DSP: variants seen among roughly 807,000 people sequenced by gnomAD.
The protein encoded by DSP is 250/210 kDa paraneoplastic pemphigus antigen.
In DSP, 114 loss-of-function variants were observed where a neutral mutation model predicts 290.6. That is an observed-to-expected ratio of 0.39 (90% CI 0.34 to 0.46). The LOEUF is 0.46. Among genes scored for constraint, DSP ranks in the 20% least tolerant of loss-of-function variants. The pLI, the probability that DSP is intolerant of heterozygous loss-of-function variation, is 0.99. For missense variants in DSP, 3,230 were observed against 3,495.8 expected, an observed-to-expected ratio of 0.92 and a Z score of 1.92; for synonymous variants, 1,311 against 1,316.4, an observed-to-expected ratio of 1.00 and a Z score of 0.09.
rs572843477 is a variant in DSP at position 7,583,567 on chromosome 6, G to T, written c.6305G>T (p.Gly2102Val). The T allele has an allele frequency of 1.9e-6, 3 of 1,614,132 alleles. No individual in the cohort carries two copies. The African/African-American group carries it at 4.0e-5, about 22-fold the overall frequency. The change falls in exon 24 of 24, where the codon GGC becomes GTC. Residue 2102 changes from glycine to valine, a missense_variant. By Grantham distance (109) the Gly-to-Val change is moderately radical. Around this residue, in one of 5 missense-constraint regions of DSP, gnomAD observed 1,714 missense variants for 1,844.5 expected, o/e 0.93. Transcript: ENST00000379802. The surrounding 1 kb of genome is among the most constrained non-coding windows in gnomAD (Gnocchi z 4.0). ...AITGFDDPFS[G>V]KTVSVSEAIK... ...ACTGGTTTTGATGATCCATTTTCAGGCAAGACAGTATCTGTTTCAGAAGCC... is the reference window on the plus strand; with the variant it reads ...ACTGGTTTTGATGATCCATTTTCAGTCAAGACAGTATCTGTTTCAGAAGCC...
intron 8 of DSP, 27 bp downstream of exon 8, chr6:7,566,508 G>T: frequency 1.3e-6 from 2 of 1,569,498 alleles, no homozygotes; most frequent in Non-Finnish European, 8.7e-7. Flanking sequence ...TTATATTTTT[G>T]TTAGAAAAAA....
At chr6:7,572,637 G>A (rs998927319) in intron 15 of DSP, among the ~76,000 whole-genome samples, 1 of 152,198 alleles carries the variant, frequency 6.6e-6, no homozygotes. Flanking sequence ...TTTACTTTTA[G>A]TGGACTTTTT....
At position 7,585,843 on chromosome 6, in the gene DSP, TC is replaced by T. The variant is rs765683790; in HGVS notation, c.8583del (p.Tyr2862ThrfsTer21). On this transcript the variant is annotated frameshift_variant, in exon 24 of 24. Transcript: ENST00000379802. LOFTEE classifies it high-confidence loss of function. ...DATGNSSYSY[S>X]YSFSSSSIGH ...CACAGGGAATTCTTCCTACTCTTAT[TC>T]CTACTCATTTAGCAGTAGTTCTATT... is the stretch of plus-strand genomic sequence containing the variant. 3.7e-6 allele frequency: 6 copies of T among 1,614,128 alleles called. No homozygotes were observed. The South Asian group carries it at 4.4e-5, about 12-fold the overall frequency.
chr6:7,543,018 G>T (rs1758057805), intron 1 of DSP, among the ~76,000 whole-genome samples: 1 of 152,168 alleles, frequency 6.6e-6, no homozygotes, highest in African/African-American at 2.4e-5. Context: ...GAGAGGGTCA[G>T]CTTCTCCGGA....
At chr6:7,548,903 C>T (rs1430917347) in intron 1 of DSP, among the ~76,000 whole-genome samples, 1 of 152,126 alleles carries the variant, frequency 6.6e-6, no homozygotes, top group Non-Finnish European at 1.5e-5. Flanking sequence ...CATTAAGTAC[C>T]TTCTGTGTGC....
rs978515157 is a variant in DSP at position 7,574,764 on chromosome 6, A to G, written c.2405A>G (p.Asp802Gly). The G allele has an allele frequency of 3.7e-6, 6 of 1,614,204 alleles. No homozygotes were observed. Among genetic ancestry groups the G allele is most frequent in the Non-Finnish European group, 5.1e-6 (6 of 1,180,030 alleles). The change falls in exon 17 of 24, where the codon GAT (aspartate) becomes GGT (glycine). Residue 802 changes from aspartate (D) to glycine (G), a missense_variant. By Grantham distance (94) the Asp-to-Gly change is moderately conservative. Coordinates refer to ENST00000379802, the MANE Select transcript of DSP (RefSeq NM_004415.4). ...TEEETVCLDL[D>G]KVEAYRCGLK... ...GAGGAAACTGTCTGCCTGGACCTGG[A>G]TAAAGTGGAAGCTTACCGCTGTGGA...
chr6:7,570,702 A>C, intron 13 of DSP, 139 bp downstream of exon 13: 1 of 1,240,288 alleles, frequency 8.1e-7, no homozygotes, highest in Non-Finnish European at 1.1e-6. Flanking sequence ...AGCCCTCCTT[A>C]GAGGTTCTGG....
intron 21 of DSP, 132 bp from the exon 22 acceptor site, chr6:7,578,332 G>T: frequency 1.3e-6 from 1 of 770,866 alleles, no homozygotes; most frequent in Non-Finnish European, 2.1e-6. Flanking sequence ...TGCTGATTTT[G>T]GAATGAACAC....
At position 7,585,315 on chromosome 6, in the gene DSP, G is replaced by A; in HGVS notation, c.8053G>A (p.Ala2685Thr). 6.2e-7 allele frequency: 1 copy of A among 1,614,156 alleles called. No homozygotes were observed. The highest frequency in any genetic ancestry group is 1.3e-5 in the African/African-American group (1 of 75,024). ...CCAGGGTGTGATTGACCAAGACATG[G>A]CCACCAGGCTGAAGCCTGCTCAGAA... Reference protein sequence around the residue: ...VSQGVIDQDMATRLKPAQKAF... With the variant: ...VSQGVIDQDMTTRLKPAQKAF... Residue 2685 changes from alanine (A) to threonine (T), a missense_variant, in exon 24 of 24, where the codon GCC becomes ACC. Physicochemically the swap from Ala to Thr is moderately conservative, Grantham distance 58 (BLOSUM62 0). Coordinates refer to ENST00000379802, the MANE Select transcript of DSP (RefSeq NM_004415.4).
intron 4 of DSP, among the ~76,000 whole-genome samples, chr6:7,560,169 A>G (rs1160698999): frequency 6.6e-6 from 1 of 152,190 alleles, no homozygotes; most frequent in Non-Finnish European, 1.5e-5. Context: ...GAGAATGTGG[A>G]TGTGTTAGAG....
In DSP at chr6:7,574,087, G is replaced by A; in HGVS notation, c.2132G>A (p.Ser711Asn). 6.2e-7 allele frequency: 1 copy of A among 1,614,088 alleles called. No homozygotes were observed. The highest frequency in any genetic ancestry group is 1.1e-5 in the South Asian group (1 of 91,078). The change falls in exon 16 of 24, where the codon AGT (serine) becomes AAT (asparagine). Residue 711 changes from serine to asparagine, a missense_variant and splice_region_variant. Physicochemically the swap from Ser to Asn is conservative, Grantham distance 46. Coordinates refer to ENST00000379802, the MANE Select transcript of DSP (RefSeq NM_004415.4). Reference sequence around the variant, plus strand: ...AGAGCTTTCCTTCATTTTTGACAGAGTGTGCAGAATGATTCACAAGCAATT... The same window carrying A: ...AGAGCTTTCCTTCATTTTTGACAGAATGTGCAGAATGATTCACAAGCAATT... ...HITVKINELK[S>N]VQNDSQAIAE...
In DSP at chr6:7,575,329, T is replaced by C. The variant is rs1759202646; in HGVS notation, c.2471T>C (p.Leu824Ser). The change falls in exon 18 of 24, where the codon TTG becomes TCG. Residue 824 changes from leucine to serine, a missense_variant. This residue lies in a region of DSP where 1,714 missense variants were observed against 1,844.5 expected (regional missense o/e 0.93). Coordinates refer to ENST00000379802, the MANE Select transcript of DSP (RefSeq NM_004415.4). Reference sequence around the variant, plus strand: ...AATGACTTGAACTTGAAGAAGTCGTTGTTGGCCACTATGAAGACAGAACTA... The same window carrying C: ...AATGACTTGAACTTGAAGAAGTCGTCGTTGGCCACTATGAAGACAGAACTA... ...IKNDLNLKKS[L>S]LATMKTELQK... 1.2e-6 allele frequency: 2 copies of C among 1,614,068 alleles called. No homozygotes were observed. The highest frequency in any genetic ancestry group is 1.7e-5 in the Admixed American group (1 of 60,004).
intron 1 of DSP, among the ~76,000 whole-genome samples, chr6:7,554,470 T>G (rs1448176448): frequency 6.6e-6 from 1 of 152,162 alleles, no homozygotes; most frequent in Non-Finnish European, 1.5e-5. Context: ...GTGCCTCATT[T>G]GAAATGTACA....
At chr6:7,571,739 A>G (rs967389223) in intron 14 of DSP, 103 bp from the exon 15 acceptor site, 1 of 1,494,484 alleles carries the variant, frequency 6.7e-7, no homozygotes, top group Non-Finnish European at 9.3e-7. Flanking sequence ...CTGAAATTCA[A>G]AGGAAGAAGG....
intron 21 of DSP, 49 bp from the exon 22 acceptor site, chr6:7,578,415 T>G (rs1415853895): frequency 2.6e-6 from 4 of 1,528,524 alleles, no homozygotes. Context: ...ACATAGGACT[T>G]TTTTTTTAAT....
chr6:7,552,659 GTTGTT>G (rs71793552), intron 1 of DSP, among the ~76,000 whole-genome samples: 18,464 of 127,854 alleles, frequency 0.14, 1,205 homozygotes, highest in Non-Finnish European at 0.17. Context: ...AAAGTTACCT[GTTGTT>G]TTTTTTTTTT....
chr6:7,568,883 TAAAAG>T (rs1758945276), intron 11 of DSP, among the ~76,000 whole-genome samples: 1 of 152,324 alleles, frequency 6.6e-6, no homozygotes, highest in East Asian at 1.9e-4. Context: ...AAATTTCTGA[TAAAAG>T]AAATGAGAAA....
Position 7,579,622 on chromosome 6 carries a change from A to G in DSP, c.3432A>G (p.Lys1144=). 6.2e-7 allele frequency: 1 copy of G among 1,614,080 alleles called. No homozygotes were observed. Among genetic ancestry groups the G allele is most frequent in the East Asian group, 2.2e-5 (1 of 44,874 alleles). ...AGAATGACTATGACCAACTGCAGAA[A>G]GCAAGGCAATGTGAAAAGGAGAACC... ...QQKNDYDQLQ[K]ARQCEKENLG... Residue 1144 remains lysine, a synonymous_variant, in exon 23 of 24, where the codon AAA becomes AAG. Transcript: ENST00000379802. This position sits in a 1 kb window ranked among gnomAD's most constrained non-coding sequence, Gnocchi z 4.1.
intron 8 of DSP, among the ~76,000 whole-genome samples, chr6:7,567,134 A>C (rs908455198): frequency 1.3e-5 from 2 of 152,194 alleles, no homozygotes; most frequent in Admixed American, 6.5e-5. Flanking sequence ...AAGACTCCTC[A>C]TGGTGTCTAT....
Sources: allele counts gnomAD v4.1 joint callset (sites outside exome capture counted in the v4.1 genomes callset), GRCh38; gene constraint gnomAD v4.1.1; regional missense constraint gnomAD v4.1.1; non-coding constraint Gnocchi (gnomAD v3.1); transcripts MANE v1.5; gene names NCBI Gene and HGNC (gene_info 2026-07-23, HGNC 2026-07-21).